The following ART3 variants were observed in gnomAD, a reference collection of about 807,000 sequenced individuals.
ART3 encodes ADP-ribosyltransferase 3 (inactive).
Under a neutral mutation model 48.5 loss-of-function variants are expected in ART3, and 49 were observed. The ratio of observed to expected loss-of-function variants is 1.01; its 90% CI spans 0.80 to 1.28. The LOEUF (loss-of-function observed/expected upper bound fraction) is 1.28. Ranked by LOEUF, ART3 falls within the 50% of genes most tolerant of loss-of-function variation. ART3 has a pLI of 0.00. For missense variants in ART3, 438 were observed against 454.3 expected, an observed-to-expected ratio of 0.96 and a Z score of 0.33; for synonymous variants, 145 against 157.2, an observed-to-expected ratio of 0.92 and a Z score of 0.58.
At chr4:76,053,276 C>T (rs1736310250) in intron 1 of ART3, among the ~76,000 whole-genome samples, 1 of 152,122 alleles carries the variant, frequency 6.6e-6, no homozygotes, top group African/African-American at 2.4e-5. Context: ...CAGGAAGAGT[C>T]TTCCTGGAAC....
chr4:76,016,603 A>T (rs186769511), intron 1 of ART3, among the ~76,000 whole-genome samples: 213 of 152,256 alleles, frequency 1.4e-3, no homozygotes, highest in African/African-American at 5.1e-3. Flanking sequence ...TCAAGGCCCT[A>T]CAGCTCTACC....
chr4:76,041,460 T>C (rs986181405), intron 1 of ART3: 1 of 152,244 alleles, frequency 6.6e-6, no homozygotes, highest in Non-Finnish European at 1.5e-5. Flanking sequence ...TTGACCTTTA[T>C]ACTTTGTAGA....
intron 1 of ART3, among the ~76,000 whole-genome samples, chr4:76,064,265 A>G (rs904079684): frequency 6.6e-6 from 1 of 152,146 alleles, no homozygotes; most frequent in African/African-American, 2.4e-5. Context: ...CACCATGATC[A>G]CCACTACCAT....
At chr4:76,047,437 A>G (rs1735614785) in intron 1 of ART3, among the ~76,000 whole-genome samples, 1 of 151,970 alleles carries the variant, frequency 6.6e-6, no homozygotes, top group Non-Finnish European at 1.5e-5. Flanking sequence ...CTGATTGGGT[A>G]ATAAACTTAC....
chr4:76,098,470 C>T (rs1726518562), intron 4 of ART3, among the ~76,000 whole-genome samples: 1 of 152,090 alleles, frequency 6.6e-6, no homozygotes, highest in Non-Finnish European at 1.5e-5. Flanking sequence ...GTTTTTCTGG[C>T]TAGCTTTCCT....
chr4:76,112,088 C>T, intron 11 of ART3: 1 of 281,748 alleles, frequency 3.5e-6, no homozygotes, highest in Non-Finnish European at 6.5e-6. Context: ...AGTAAGGCTT[C>T]CAGTTAATGG....
chr4:76,061,648 T>A (rs976388880), intron 1 of ART3, among the ~76,000 whole-genome samples: 17 of 152,228 alleles, frequency 1.1e-4, no homozygotes, highest in African/African-American at 3.9e-4. Flanking sequence ...CCTCCCCAAC[T>A]TTTTAACTCT....
intron 1 of ART3, among the ~76,000 whole-genome samples, chr4:76,030,614 A>G (rs902793926): frequency 2.6e-5 from 4 of 152,202 alleles, no homozygotes; most frequent in African/African-American, 9.7e-5. Context: ...CAGAAACTCC[A>G]TACTCATTAA....
intron 1 of ART3, among the ~76,000 whole-genome samples, chr4:76,055,409 G>T (rs554966593): frequency 2.0e-5 from 3 of 152,188 alleles, no homozygotes; most frequent in Non-Finnish European, 4.4e-5. Flanking sequence ...ACTGTAAAAA[G>T]GACATTAGTG....
chr4:76,034,675 A>G (rs1734183980), intron 1 of ART3: 3 of 847,068 alleles, frequency 3.5e-6, no homozygotes, highest in Admixed American at 5.6e-5. Context: ...AAAGTCACAA[A>G]ACCATAGAAA....
At chr4:76,109,972 C>G (rs574227568) in intron 11 of ART3, among the ~76,000 whole-genome samples, 1 of 152,248 alleles carries the variant, frequency 6.6e-6, no homozygotes, top group African/African-American at 2.4e-5. Context: ...TCAACGCTTC[C>G]CCGTAGTTCA....
At chr4:76,097,505 C>A in intron 3 of ART3, 139 bp from the exon 4 acceptor site, 4 of 677,064 alleles carry the variant, frequency 5.9e-6, no homozygotes, top group Non-Finnish European at 2.5e-6. Context: ...CCATGCCCAG[C>A]CTGCAATTTG....
intron 3 of ART3, among the ~76,000 whole-genome samples, chr4:76,088,191 T>C (rs1411617518): frequency 6.6e-6 from 1 of 151,810 alleles, no homozygotes; most frequent in African/African-American, 2.4e-5. Flanking sequence ...ACTAGGTTTA[T>C]AGGAAGAAAA....
At chr4:76,023,195 G>C (rs1362432050) in intron 1 of ART3, among the ~76,000 whole-genome samples, 1 of 150,894 alleles carries the variant, frequency 6.6e-6, no homozygotes, top group African/African-American at 2.4e-5. Context: ...TATTCTATTT[G>C]TTTCTCTCAC....
intron 1 of ART3, among the ~76,000 whole-genome samples, chr4:76,066,142 A>G (rs2149491114): frequency 6.6e-6 from 1 of 152,298 alleles, no homozygotes; most frequent in East Asian, 1.9e-4. Context: ...AGTAATTTTC[A>G]GGGAATCTTT....
At chr4:76,095,693 C>T (rs1044253747) in intron 3 of ART3, among the ~76,000 whole-genome samples, 1 of 152,166 alleles carries the variant, frequency 6.6e-6, no homozygotes, top group African/African-American at 2.4e-5. Flanking sequence ...TTTTAATAAG[C>T]ACCCAGGTGA....
intron 1 of ART3, among the ~76,000 whole-genome samples, chr4:76,012,875 C>T (rs1440745116): frequency 6.6e-6 from 1 of 152,158 alleles, no homozygotes; most frequent in Non-Finnish European, 1.5e-5. Flanking sequence ...TAAAATGTCA[C>T]TTTAAAATTG....
intron 3 of ART3, among the ~76,000 whole-genome samples, chr4:76,093,705 A>G (rs954466793): frequency 6.6e-6 from 1 of 152,212 alleles, no homozygotes; most frequent in African/African-American, 2.4e-5. Flanking sequence ...ATTATTCTGC[A>G]TACCACAGTA....
At chr4:76,050,740 G>C (rs1430895713) in intron 1 of ART3, among the ~76,000 whole-genome samples, 1 of 152,222 alleles carries the variant, frequency 6.6e-6, no homozygotes, top group Non-Finnish European at 1.5e-5. Context: ...GGGCCACACA[G>C]GAGCCCATGG....
Sources: allele counts gnomAD v4.1 joint callset (sites outside exome capture counted in the v4.1 genomes callset), GRCh38; gene constraint gnomAD v4.1.1; transcripts MANE v1.5; gene names NCBI Gene and HGNC (gene_info 2026-07-23, HGNC 2026-07-21).